SLC26A1: variants seen among roughly 807,000 people sequenced by gnomAD.
SLC26A1 encodes sulfate anion transporter 1.
A neutral mutation model predicts 14.5 loss-of-function variants in SLC26A1; 18 were observed. The ratio of observed to expected loss-of-function variants is 1.24; its 90% CI spans 0.86 to 1.84. SLC26A1 has a LOEUF of 1.84. Among genes scored for constraint, SLC26A1 ranks in the 40% most tolerant of loss-of-function variants. SLC26A1 has a pLI of 0.00. For synonymous variants in SLC26A1, 505 were observed against 492.0 expected (o/e 1.03, Z -0.35); for missense variants, 1,049 against 1,020.0 (o/e 1.03, Z -0.39).
In SLC26A1 at chr4:991,677, C is replaced by G. The variant is rs150233366; in HGVS notation, c.27G>C (p.Gln9His). 142 of 1,534,440 alleles carry G rather than the reference C, an allele frequency of 9.3e-5. No homozygotes were observed. The highest frequency in any genetic ancestry group is 8.7e-4 in the Middle Eastern group (5 of 5,754). The change falls in exon 2 of 3, where the codon CAG becomes CAC. Residue 9 changes from glutamine (Q) to histidine (H), a missense_variant. Coordinates refer to ENST00000398516, the MANE Select transcript of SLC26A1 (RefSeq NM_022042.4). The stretch of plus-strand genomic sequence containing the variant: ...GGACCGGCACCGGCCCTCTGCCCTG[C>G]TGCAGAGGCTCAGGGGACTCGTCCA... MDESPEPLQQGRGPVPVRR... is the reference protein window; with the variant it reads MDESPEPLHQGRGPVPVRR...
rs143284684 is a variant in SLC26A1, at chr4:991,272, G to C, written c.432C>G (p.Ala144=). 1 of 1,612,672 alleles carries C rather than the reference G, an allele frequency of 6.2e-7. No homozygotes were observed. Among genetic ancestry groups the C allele is most frequent in the Non-Finnish European group, 8.5e-7 (1 of 1,179,868 alleles). ...GQVVDRELQL[A]GFDPSQDGLQ... Reference sequence around the variant, plus strand: ...GGCCGTCCTGGGAGGGGTCAAAGCCGGCCAGCTGGAGCTCCCGGTCCACCA... The same window carrying C: ...GGCCGTCCTGGGAGGGGTCAAAGCCCGCCAGCTGGAGCTCCCGGTCCACCA... Residue 144 remains alanine (A), a synonymous_variant, in exon 2 of 3, where the codon GCC becomes GCG. Transcript: ENST00000398516.
At chr4:991,046 C>A in intron 2 of SLC26A1, 82 bp downstream of exon 2, 1 of 1,370,998 alleles carries the variant, frequency 7.3e-7, no homozygotes, top group Non-Finnish European at 9.8e-7. Flanking sequence ...CTGTGCTTGC[C>A]CCCAGCCTTG....
At chr4:992,108 G>A (rs1179348587) in intron 1 of SLC26A1, 1 of 498,782 alleles carries the variant, frequency 2.0e-6, no homozygotes, top group Non-Finnish European at 3.9e-6. Flanking sequence ...TCCCCAACGG[G>A]GCAGGAACAG....
At chr4:986,309 G>T (rs1577505777), downstream of SLC26A1, among the ~76,000 whole-genome samples, 1 of 152,124 alleles carries the variant, frequency 6.6e-6, no homozygotes, top group Non-Finnish European at 1.5e-5. Context: ...TTGTCCCATG[G>T]TATCCTCGGG....
In SLC26A1 at chr4:987,679, T is replaced by G; in HGVS notation, c.*1154A>C. On this transcript the variant is annotated 3_prime_UTR_variant, in exon 3 of 3. Transcript: ENST00000398516. ...ACATTCCTGGCCCTAAGGGTCATTT[T>G]ATTAGTCACTGAACGCACGGGCAGC... is the stretch of plus-strand genomic sequence containing the variant. 6.7e-7 allele frequency: 1 copy of G among 1,503,058 alleles called. No homozygotes were observed. The highest frequency in any genetic ancestry group is 2.5e-5 in the East Asian group (1 of 40,532). The allele number at this position is 1,503,058 out of a possible 1,614,324, so 93.1% of individuals were successfully genotyped here.
At chr4:981,280 C>G (rs1713533275) in intron 2 of SLC26A1, among the ~76,000 whole-genome samples, 1 of 152,222 alleles carries the variant, frequency 6.6e-6, no homozygotes. Context: ...TTTTTGGGTT[C>G]TGGTGGCAAC....
intron 1 of SLC26A1, 119 bp from the exon 2 acceptor site, chr4:991,849 G>T: frequency 6.6e-7 from 1 of 1,523,912 alleles, no homozygotes; most frequent in Non-Finnish European, 8.8e-7. Context: ...GCCGGGGATT[G>T]GTGCTGGGCC....
chr4:988,412 C>A lies in SLC26A1; in HGVS notation c.*421G>T. The A allele has an allele frequency of 9.4e-7, 1 of 1,064,962 alleles. No homozygotes were observed. The highest frequency in any genetic ancestry group is 1.1e-6 in the Non-Finnish European group (1 of 880,836). The allele number at this position is 1,064,962 out of a possible 1,614,324, so 66.0% of individuals were successfully genotyped here. On this transcript the variant is annotated 3_prime_UTR_variant, in exon 3 of 3. Coordinates refer to ENST00000398516, the MANE Select transcript of SLC26A1 (RefSeq NM_022042.4). ...AACACAGAGACCCTCGTGCACTTGG[C>A]CAGAGCCGCTGGCTCCTACCAGCAG...
downstream of SLC26A1, among the ~76,000 whole-genome samples, chr4:985,470 A>G (rs1289826798): frequency 6.6e-6 from 1 of 152,196 alleles, no homozygotes; most frequent in Admixed American, 6.5e-5. Context: ...TGTGTCCTGC[A>G]CCACGGTGTG....
At chr4:992,625 G>A (rs939156403) in intron 1 of SLC26A1, 1 of 186,264 alleles carries the variant, frequency 5.4e-6, no homozygotes, top group African/African-American at 2.4e-5. Flanking sequence ...GCTCACTGTG[G>A]AACGGCCATG....
In SLC26A1 at chr4:991,507, C is replaced by T. The variant is rs201219683; in HGVS notation, c.197G>A (p.Arg66Gln). Residue 66 changes from arginine (R) to glutamine (Q), a missense_variant, in exon 2 of 3, where the codon CGG (arginine) becomes CAG (glutamine). Coordinates refer to ENST00000398516, the MANE Select transcript of SLC26A1 (RefSeq NM_022042.4). ...CATGACGTCGCCTGCCAGGTACTCC[C>T]GCGGGCGGTACTGACGCAGCCAGCG... is the stretch of plus-strand genomic sequence containing the variant. ...ATRWLRQYRPREYLAGDVMSG... is the reference protein window; with the variant it reads ...ATRWLRQYRPQEYLAGDVMSG... 272 of 1,609,658 alleles carry T rather than the reference C, an allele frequency of 1.7e-4. No individual in the cohort carries two copies. Among genetic ancestry groups the T allele is most frequent in the Non-Finnish European group, 6.3e-5 (74 of 1,177,708 alleles).
chr4:991,294 A>G lies in SLC26A1; in HGVS notation c.410T>C (p.Val137Ala). 1 of 1,612,670 alleles carries G rather than the reference A, an allele frequency of 6.2e-7. No homozygotes were observed. Among genetic ancestry groups the G allele is most frequent in the South Asian group, 1.1e-5 (1 of 91,082 alleles). ...SLLCLMVGQV[V>A]DRELQLAGFD... ...GCCGGCCAGCTGGAGCTCCCGGTCC[A>G]CCACCTGCCCCACCATGAGGCAAAG... Residue 137 changes from valine (V) to alanine (A), a missense_variant, in exon 2 of 3, where the codon GTG becomes GCG. Coordinates refer to ENST00000398516, the MANE Select transcript of SLC26A1 (RefSeq NM_022042.4).
chr4:989,449 G>A lies in SLC26A1; in HGVS notation c.1490C>T (p.Ser497Leu), dbSNP rs749932178. 112 of 1,553,942 alleles carry A rather than the reference G, an allele frequency of 7.2e-5. No individual in the cohort carries two copies. In the Admixed American group the frequency reaches 9.6e-4, roughly 13 times the overall value. Residue 497 changes from serine (S) to leucine (L), a missense_variant, in exon 3 of 3, where the codon TCG (serine) becomes TTG (leucine). Physicochemically the swap from Ser to Leu is moderately radical, Grantham distance 145. Transcript: ENST00000398516. ...GGTGCGGCCGGCCAGGCTGAGCAGC[G>A]AGAGGATGACGCCAGCCAGCAGCCC... The part of the protein sequence containing the change: ...EAGLLAGVIL[S>L]LLSLAGRTQR...
chr4:982,680 C>A (rs2153014117), downstream of SLC26A1, among the ~76,000 whole-genome samples: 1 of 152,356 alleles, frequency 6.6e-6, no homozygotes, highest in East Asian at 1.9e-4. Context: ...AGGGTAGAGA[C>A]CTGTGTGAAT....
intron 2 of SLC26A1, chr4:990,839 GTCCAGC>G: frequency 2.1e-6 from 1 of 468,368 alleles, no homozygotes; most frequent in Non-Finnish European, 3.8e-6. Context: ...CATGGCCTCA[GTCCAGC>G]ACCACTGAGC....
rs772260145 is a variant in SLC26A1, at chr4:989,522, C to A, written c.1417G>T (p.Val473Phe). The A allele has an allele frequency of 6.4e-7, 1 of 1,554,740 alleles. No individual in the cohort carries two copies. The highest frequency in any genetic ancestry group is 1.4e-5 in the African/African-American group (1 of 73,536). Reference protein sequence around the residue: ...LWRMSPADALVWAGTAATCML... With the variant: ...LWRMSPADALFWAGTAATCML... ...CAGGTGGCCGCGGTGCCTGCCCAGA[C>A]CAGCGCGTCAGCCGGGCTCATCCGC... Residue 473 changes from valine (V) to phenylalanine (F), a missense_variant, in exon 3 of 3, where the codon GTC becomes TTC. By Grantham distance (50) the Val-to-Phe change is conservative (BLOSUM62 -1). Coordinates refer to ENST00000398516, the MANE Select transcript of SLC26A1 (RefSeq NM_022042.4).
chr4:985,181 GC>G (rs1398025958), downstream of SLC26A1, among the ~76,000 whole-genome samples: 2 of 152,234 alleles, frequency 1.3e-5, no homozygotes, highest in Admixed American at 1.3e-4. Flanking sequence ...TCTTTACCAG[GC>G]CCCCCGCCTG....
chr4:980,740 C>T (rs1199488873), intron 2 of SLC26A1, among the ~76,000 whole-genome samples: 2 of 151,932 alleles, frequency 1.3e-5, no homozygotes, highest in Admixed American at 6.6e-5. Context: ...ACGCTGCAGA[C>T]GGGCCATTCT....
exon 3 of SLC26A1, chr4:979,441 G>T: frequency 1.2e-6 from 2 of 1,607,402 alleles, no homozygotes; most frequent in Non-Finnish European, 1.7e-6. Context: ...AGAAGTTCCT[G>T]CGAGTCACTC....
Sources: allele counts gnomAD v4.1 joint callset (sites outside exome capture counted in the v4.1 genomes callset), GRCh38; gene constraint gnomAD v4.1.1; transcripts MANE v1.5; gene names NCBI Gene and HGNC (gene_info 2026-07-23, HGNC 2026-07-21).